Variants in RHPN2 observed in about 807,000 individuals in gnomAD.
RHPN2 encodes rhophilin Rho GTPase binding protein 2, also known as rhophilin-2.
A neutral mutation model predicts 79.0 loss-of-function variants in RHPN2; 40 were observed. The ratio of observed to expected loss-of-function variants is 0.51; its 90% CI spans 0.39 to 0.66. RHPN2 has a LOEUF of 0.66. Among genes scored for constraint, RHPN2 ranks in the 30% least tolerant of loss-of-function variants. The pLI is 0.00. For missense variants in RHPN2, 686 were observed against 883.5 expected (o/e 0.78, Z 2.83); for synonymous variants, 285 against 363.5 (o/e 0.78, Z 2.46).
At chr19:33,019,494 G>A (rs1323936670) in intron 4 of RHPN2, among the ~76,000 whole-genome samples, 3 of 151,628 alleles carry the variant, frequency 2.0e-5, no homozygotes, top group Non-Finnish European at 2.9e-5. Context: ...CAGGAGAATC[G>A]CTTGAACCTG....
intron 11 of RHPN2, among the ~76,000 whole-genome samples, chr19:32,995,347 G>T (rs972906241): frequency 9.2e-5 from 14 of 151,922 alleles, no homozygotes; most frequent in Admixed American, 2.0e-4. Flanking sequence ...AAAGTGCTGA[G>T]ATTACAGGTT....
chr19:33,007,881 G>A, intron 7 of RHPN2, 133 bp downstream of exon 7: 1 of 1,001,222 alleles, frequency 1.0e-6, no homozygotes, highest in East Asian at 2.6e-5. Context: ...TTTCTTAATG[G>A]GAAGTTACAC....
rs575752883 is a variant in RHPN2, at chr19:33,043,530, C to T, written c.185+719G>A. ...TCACGCCACTGCACTCTAGCCTGGGCGACAGAGCAAGACTGTCTCCAAACA... is the reference window on the plus strand; with the variant it reads ...TCACGCCACTGCACTCTAGCCTGGGTGACAGAGCAAGACTGTCTCCAAACA... On this transcript the variant is annotated intron_variant, in intron 2 of 14. Coordinates refer to ENST00000254260, the MANE Select transcript of RHPN2 (RefSeq NM_033103.5). Among the ~76,000 whole-genome samples the T allele has an allele frequency of 2.8e-4, 42 of 152,106 alleles. No individual in the cohort carries two copies. The South Asian group carries it at 6.4e-3, about 23-fold the overall frequency.
chr19:33,024,259 C>A (rs1464213860), intron 3 of RHPN2, among the ~76,000 whole-genome samples: 1 of 151,992 alleles, frequency 6.6e-6, no homozygotes, highest in Non-Finnish European at 1.5e-5. Context: ...TGGTGAAACC[C>A]CGTCTCTACT....
chr19:33,037,449 C>G (rs1345378539), intron 2 of RHPN2, among the ~76,000 whole-genome samples: 1 of 152,204 alleles, frequency 6.6e-6, no homozygotes, highest in South Asian at 2.1e-4. Context: ...GCTCTGGTCC[C>G]TTTCCACACT....
In RHPN2 at chr19:32,999,623, CA is replaced by C. The variant is rs1416003254; in HGVS notation, c.1187del (p.Leu396TrpfsTer4). The part of the protein sequence containing the change: ...YDHMPEGLTP[L>X]ATLKNDQQRR... ...GCTGCTGATCATTCTTCAGTGTGGC[CA>C]AGGGTGTCAGCCCCTCTGGCATGTG... On this transcript the variant is annotated frameshift_variant, in exon 10 of 15. Transcript: ENST00000254260. LOFTEE classifies it high-confidence loss of function. 1 of 1,613,012 alleles carries C rather than the reference CA, an allele frequency of 6.2e-7. No homozygotes were observed. Among genetic ancestry groups the C allele is most frequent in the African/African-American group, 1.3e-5 (1 of 74,898 alleles).
chr19:33,034,162 A>C (rs1321557794), intron 2 of RHPN2, among the ~76,000 whole-genome samples: 1 of 151,426 alleles, frequency 6.6e-6, no homozygotes, highest in Non-Finnish European at 1.5e-5. Flanking sequence ...CCGGCCTGGC[A>C]ACAATTTTTG....
intron 6 of RHPN2, 30 bp from the exon 7 acceptor site, chr19:33,008,210 C>A: frequency 6.3e-7 from 1 of 1,591,312 alleles, no homozygotes; most frequent in Non-Finnish European, 8.6e-7. Flanking sequence ...TCCGAGAATA[C>A]AGATTACTTG....
chr19:32,996,216 C>T lies in RHPN2; in HGVS notation c.1230G>A (p.Lys410=). Residue 410 remains lysine (K), a synonymous_variant, in exon 11 of 15, where the codon AAG becomes AAA. Transcript: ENST00000254260. ...GAGCCATGGCTCTGCGCAAGTGGGA[C>T]TTCCCTGCAGACGGAAGCCAGCACC... is the stretch of plus-strand genomic sequence containing the variant. ...KNDQQRRQLG[K]SHLRRAMAHH... 6.2e-7 allele frequency: 1 copy of T among 1,614,162 alleles called. No homozygotes were observed. Among genetic ancestry groups the T allele is most frequent in the Non-Finnish European group, 8.5e-7 (1 of 1,180,044 alleles).
At chr19:33,052,477 C>T (rs80147913) in intron 1 of RHPN2, among the ~76,000 whole-genome samples, 1 of 152,188 alleles carries the variant, frequency 6.6e-6, no homozygotes, top group Non-Finnish European at 1.5e-5. Context: ...AGCTGCTTCT[C>T]CAGCAAAGAT....
chr19:32,996,155 TGCAGAG>T lies in RHPN2; in HGVS notation c.1285_1290del (p.Leu429_Cys430del). ...AGCACCTCAATGCTCCGCAGCTTCT[TGCAGAG>T]GCTGGCCTCCCGCACCGACTCCTCG... is the stretch of plus-strand genomic sequence containing the variant. On this transcript the variant is annotated inframe_deletion, in exon 11 of 15. Coordinates refer to ENST00000254260, the MANE Select transcript of RHPN2 (RefSeq NM_033103.5). 1.9e-6 allele frequency: 3 copies of T among 1,614,164 alleles called. No homozygotes were observed. The highest frequency in any genetic ancestry group is 2.5e-6 in the Non-Finnish European group (3 of 1,180,020).
In RHPN2 at chr19:33,002,873, G is replaced by A. The variant is rs140277515; in HGVS notation, c.888C>T (p.Ser296=). ...QAQESVFEKI[S]LPGIRNEFFM... Reference sequence around the variant, plus strand: ...AGAATTCATTCCGGATCCCAGGAAGGCTGATTTTCTCAAACACGCTTTCTT... The same window carrying A: ...AGAATTCATTCCGGATCCCAGGAAGACTGATTTTCTCAAACACGCTTTCTT... The change falls in exon 8 of 15, where the codon AGC becomes AGT. Residue 296 remains serine (S), a synonymous_variant. Transcript: ENST00000254260. 1.7e-5 allele frequency: 27 copies of A among 1,613,822 alleles called. No homozygotes were observed. The African/African-American group carries it at 3.5e-4, about 21-fold the overall frequency.
At chr19:33,011,533 T>C in intron 6 of RHPN2, 146 bp downstream of exon 6, 1 of 968,512 alleles carries the variant, frequency 1.0e-6, no homozygotes, top group East Asian at 2.5e-5. Flanking sequence ...TATTGACATC[T>C]TTTGAGACTT....
intron 2 of RHPN2, among the ~76,000 whole-genome samples, chr19:33,038,634 G>A (rs546865490): frequency 7.9e-5 from 12 of 151,150 alleles, no homozygotes; most frequent in Admixed American, 5.3e-4. Context: ...GATTACAGGC[G>A]CACACCACCA....
intron 4 of RHPN2, among the ~76,000 whole-genome samples, chr19:33,013,900 G>T (rs1248482200): frequency 7.9e-6 from 1 of 126,466 alleles, no homozygotes; most frequent in East Asian, 2.0e-4. Flanking sequence ...TTTGAGGCAG[G>T]GTCTCACTTT....
At chr19:33,018,859 C>G (rs1248272130) in intron 4 of RHPN2, among the ~76,000 whole-genome samples, 1 of 148,816 alleles carries the variant, frequency 6.7e-6, no homozygotes, top group Non-Finnish European at 1.5e-5. Context: ...ATAGTGAAAC[C>G]CCATCTCTAC....
intron 1 of RHPN2, among the ~76,000 whole-genome samples, chr19:33,049,626 A>G (rs1972171226): frequency 6.6e-6 from 1 of 152,206 alleles, no homozygotes; most frequent in African/African-American, 2.4e-5. Flanking sequence ...CATTTCCGTC[A>G]GTCCCGAAAC....
At chr19:33,024,648 G>T (rs976254902) in intron 3 of RHPN2, among the ~76,000 whole-genome samples, 1 of 150,148 alleles carries the variant, frequency 6.7e-6, no homozygotes, top group Non-Finnish European at 1.5e-5. Flanking sequence ...GCTATTTTCC[G>T]ACTGAGTTTC....
chr19:32,978,712 G>C lies in RHPN2; in HGVS notation c.*1284C>G, dbSNP rs1971550447. On this transcript the variant is annotated 3_prime_UTR_variant, in exon 15 of 15. Coordinates refer to ENST00000254260, the MANE Select transcript of RHPN2 (RefSeq NM_033103.5). Reference sequence around the variant, plus strand: ...ATTGCACAATAGAAAATAAACTCTTGTCAATCCTTAAAATTAGTCTTCAAT... The same window carrying C: ...ATTGCACAATAGAAAATAAACTCTTCTCAATCCTTAAAATTAGTCTTCAAT... 6.6e-6 allele frequency: 1 copy of C among 152,556 alleles called. No individual in the cohort carries two copies. The highest frequency in any genetic ancestry group is 2.4e-5 in the African/African-American group (1 of 41,430). The allele number at this position is 152,556 out of a possible 1,614,324, so 9.5% of individuals were successfully genotyped here. A position where few individuals can be genotyped will look rare whatever the true frequency, so the allele number is the denominator to read the frequency against.
Sources: allele counts gnomAD v4.1 joint callset (sites outside exome capture counted in the v4.1 genomes callset), GRCh38; gene constraint gnomAD v4.1.1; transcripts MANE v1.5; gene names NCBI Gene and HGNC (gene_info 2026-07-23, HGNC 2026-07-21).